ZNF45: variants seen among roughly 807,000 people sequenced by gnomAD.
The protein encoded by ZNF45 is BRC1744.
A neutral mutation model predicts 12.0 loss-of-function variants in ZNF45; 4 were observed. The ratio of observed to expected loss-of-function variants is 0.33; its 90% CI spans 0.16 to 0.76. ZNF45 has a LOEUF of 0.76. Among genes scored for constraint, ZNF45 ranks in the 30% least tolerant of loss-of-function variants. The pLI, the probability that ZNF45 is intolerant of heterozygous loss-of-function variation, is 0.60. For missense variants in ZNF45, 700 were observed against 813.0 expected (o/e 0.86, Z 1.69); for synonymous variants, 272 against 279.6 (o/e 0.97, Z 0.27).
Position 43,913,712 on chromosome 19 carries a change from C to A in ZNF45, c.1724G>T (p.Arg575Leu). 2 of 1,611,146 alleles carry A rather than the reference C, an allele frequency of 1.2e-6. No individual in the cohort carries two copies. Among genetic ancestry groups the A allele is most frequent in the Non-Finnish European group, 1.7e-6 (2 of 1,179,324 alleles). ...FCRASNFLAH[R>L]GVHTGEKPYR... ...TGGTTTTTCTCCTGTGTGGACTCCACGATGTGCCAGAAAATTGGAGGCCCG... is the reference window on the plus strand; with the variant it reads ...TGGTTTTTCTCCTGTGTGGACTCCAAGATGTGCCAGAAAATTGGAGGCCCG... The change falls in exon 10 of 10, where the codon CGT becomes CTT. Residue 575 changes from arginine (R) to leucine (L), a missense_variant. Physicochemically the swap from Arg to Leu is moderately radical, Grantham distance 102 (BLOSUM62 -2). Coordinates refer to ENST00000269973, the MANE Select transcript of ZNF45 (RefSeq NM_003425.4).
At position 43,935,233 on chromosome 19, in the gene ZNF45, C is replaced by T. The variant is rs1362087221; in HGVS notation, c.-1065G>A. ...CGGGGTCCCAGGACTCACTCACTTC[C>T]ACGAGAGGAATGAAGGCCGCGCTCT... On this transcript the variant is annotated 5_prime_UTR_variant, in exon 1 of 10. Transcript: ENST00000269973. 1 of 152,284 alleles carries T rather than the reference C, an allele frequency of 6.6e-6. No homozygotes were observed. Among genetic ancestry groups the T allele is most frequent in the Admixed American group, 6.5e-5 (1 of 15,290 alleles). 9.4% of individuals were successfully genotyped at this position (152,284 alleles called of 1,614,324 possible). A position where few individuals can be genotyped will look rare whatever the true frequency, so the allele number is the denominator to read the frequency against.
intron 3 of ZNF45, among the ~76,000 whole-genome samples, chr19:43,931,639 T>C (rs1027242571): frequency 2.0e-5 from 3 of 152,170 alleles, no homozygotes; most frequent in Non-Finnish European, 4.4e-5. Context: ...TAGTCTATAA[T>C]ACACAGAGGA....
rs1389634525 is a variant in ZNF45, at chr19:43,924,463, G to A, written c.-167C>T. The A allele has an allele frequency of 2.6e-5, 4 of 152,220 alleles. No individual in the cohort carries two copies. The highest frequency in any genetic ancestry group is 2.1e-4 in the South Asian group (1 of 4,832). The allele number at this position is 152,220 out of a possible 1,614,324, so 9.4% of individuals were successfully genotyped here. A position where few individuals can be genotyped will look rare whatever the true frequency, so the allele number is the denominator to read the frequency against. ...CGACAATTGTATCCATTTAACAGGC[G>A]AGGAAGCTGAGGCTTGGTGAGGTCA... On this transcript the variant is annotated 5_prime_UTR_variant, in exon 5 of 10. Transcript: ENST00000269973.
chr19:43,927,662 T>C (rs529284127), intron 3 of ZNF45, among the ~76,000 whole-genome samples: 19 of 152,286 alleles, frequency 1.2e-4, no homozygotes, highest in African/African-American at 4.6e-4. Context: ...CTCTTATATT[T>C]GAACAGAGAC....
In ZNF45 at chr19:43,913,898, G is replaced by C. The variant is rs773195519; in HGVS notation, c.1538C>G (p.Ser513Cys). Residue 513 changes from serine to cysteine, a missense_variant, in exon 10 of 10, where the codon TCC becomes TGC. Physicochemically the swap from Ser to Cys is moderately radical, Grantham distance 112. Coordinates refer to ENST00000269973, the MANE Select transcript of ZNF45 (RefSeq NM_003425.4). The stretch of plus-strand genomic sequence containing the variant: ...AACTCTCTGATGCACCTGAAGGCTG[G>C]AGAACTGACTGAAGGCCTTACCACA... Reference protein sequence around the residue: ...ERCGKAFSQFSSLQVHQRVHT... With the variant: ...ERCGKAFSQFCSLQVHQRVHT... 1 of 1,603,494 alleles carries C rather than the reference G, an allele frequency of 6.2e-7. No individual in the cohort carries two copies. Among genetic ancestry groups the C allele is most frequent in the East Asian group, 2.3e-5 (1 of 44,438 alleles).
rs776460289 is a variant in ZNF45, at chr19:43,915,151, C to T, written c.285G>A (p.Arg95=). ...AGAAAAGCTCTTCATGAGGCAGGTA[C>T]CTTAATCCTACTTCTTGAAGAGTCT... ...EMETLQEVGL[R]YLPHEELFCS... The change falls in exon 10 of 10, where the codon AGG becomes AGA. Residue 95 remains arginine, a synonymous_variant. Transcript: ENST00000269973. 14 of 1,552,360 alleles carry T rather than the reference C, an allele frequency of 9.0e-6. No individual in the cohort carries two copies. Among genetic ancestry groups the T allele is most frequent in the Non-Finnish European group, 1.1e-5 (13 of 1,151,174 alleles).
intron 3 of ZNF45, among the ~76,000 whole-genome samples, chr19:43,925,799 T>G (rs1973626110): frequency 6.6e-6 from 1 of 152,082 alleles, no homozygotes; most frequent in Admixed American, 6.5e-5. Flanking sequence ...TTTTTTTGTT[T>G]CTTTTGTTTT....
In ZNF45 at chr19:43,914,077, G is replaced by A; in HGVS notation, c.1359C>T (p.Phe453=). 6.2e-7 allele frequency: 1 copy of A among 1,614,108 alleles called. No homozygotes were observed. Among genetic ancestry groups the A allele is most frequent in the South Asian group, 1.1e-5 (1 of 91,084 alleles). ...GGGCCAGAAGATTTGAGGCCTGGCT[G>A]AAGCCCTTGCCACACTCCTCACATT... ...PYKCEECGKG[F]SQASNLLAHQ... The change falls in exon 10 of 10, where the codon TTC becomes TTT. Residue 453 remains phenylalanine, a synonymous_variant. Coordinates refer to ENST00000269973, the MANE Select transcript of ZNF45 (RefSeq NM_003425.4).
intron 3 of ZNF45, among the ~76,000 whole-genome samples, chr19:43,930,164 G>A (rs951259705): frequency 1.3e-5 from 2 of 152,142 alleles, no homozygotes; most frequent in Non-Finnish European, 2.9e-5. Flanking sequence ...GAGGAATGCT[G>A]TGTCTTCATA....
chr19:43,918,413 G>C (rs1264307991), intron 9 of ZNF45, among the ~76,000 whole-genome samples: 3 of 152,128 alleles, frequency 2.0e-5, no homozygotes, highest in African/African-American at 7.2e-5. Context: ...TAAGGCATTA[G>C]GAAGGTGATT....
chr19:43,916,323 C>G (rs1315538314), intron 9 of ZNF45, among the ~76,000 whole-genome samples: 1 of 151,966 alleles, frequency 6.6e-6, no homozygotes, highest in Non-Finnish European at 1.5e-5. Flanking sequence ...ACCATCTTGC[C>G]TAGGCTGGTC....
chr19:43,926,225 G>A (rs1198043465), intron 3 of ZNF45: 3 of 152,196 alleles, frequency 2.0e-5, no homozygotes, highest in Non-Finnish European at 4.4e-5. Context: ...GTCTCCCTGA[G>A]ACTGACTCCA....
chr19:43,929,136 G>A (rs556858537), intron 3 of ZNF45, among the ~76,000 whole-genome samples: 9 of 152,308 alleles, frequency 5.9e-5, no homozygotes, highest in Middle Eastern at 3.4e-3. Context: ...AATGAACCCA[G>A]GCAATCTGAC....
intron 7 of ZNF45, among the ~76,000 whole-genome samples, chr19:43,919,902 C>T (rs1040637978): frequency 1.3e-5 from 2 of 152,096 alleles, no homozygotes; most frequent in African/African-American, 4.8e-5. Flanking sequence ...TAAAGAACAA[C>T]TTTTTGCATA....
chr19:43,926,234 CA>C (rs1973665105), intron 3 of ZNF45: 1 of 152,144 alleles, frequency 6.6e-6, no homozygotes, highest in African/African-American at 2.4e-5. Flanking sequence ...AGACTGACTC[CA>C]GTTGGGAAGA....
In ZNF45 at chr19:43,914,025, G is replaced by A. The variant is rs1300834754; in HGVS notation, c.1411C>T (p.Pro471Ser). Reference protein sequence around the residue: ...AHQRGHTGEKPYKCGTCGKGF... With the variant: ...AHQRGHTGEKSYKCGTCGKGF... ...TTCCCACATGTACCACATTTGTAGG[G>A]TTTCTCTCCAGTGTGGCCTCTTTGA... The change falls in exon 10 of 10, where the codon CCC becomes TCC. Residue 471 changes from proline to serine, a missense_variant. Pro to Ser is a moderately conservative substitution (Grantham distance 74). Coordinates refer to ENST00000269973, the MANE Select transcript of ZNF45 (RefSeq NM_003425.4). The A allele has an allele frequency of 6.2e-7, 1 of 1,614,066 alleles. No homozygotes were observed. The highest frequency in any genetic ancestry group is 2.2e-5 in the East Asian group (1 of 44,864).
At chr19:43,919,210 C>T (rs928472904) in intron 8 of ZNF45, among the ~76,000 whole-genome samples, 5 of 152,102 alleles carry the variant, frequency 3.3e-5, no homozygotes, top group African/African-American at 1.2e-4. Flanking sequence ...TTCTTGGCAA[C>T]AGGACATAGT....
At position 43,919,570 on chromosome 19, in the gene ZNF45, C is replaced by T. The variant is rs755215598; in HGVS notation, c.142+3G>A. The T allele has an allele frequency of 1.9e-6, 3 of 1,611,308 alleles. No homozygotes were observed. The highest frequency in any genetic ancestry group is 1.3e-5 in the African/African-American group (1 of 74,940). ...TGTTCAGTCAGAGAATGCCTGTCCTCACCCACTGAGACCACATTCCTGAAG... is the reference window on the plus strand; with the variant it reads ...TGTTCAGTCAGAGAATGCCTGTCCTTACCCACTGAGACCACATTCCTGAAG... On this transcript the variant is annotated splice_donor_region_variant and intron_variant, in intron 8 of 9. Coordinates refer to ENST00000269973, the MANE Select transcript of ZNF45 (RefSeq NM_003425.4).
At chr19:43,920,966 A>G (rs1973123598) in intron 7 of ZNF45, among the ~76,000 whole-genome samples, 1 of 152,120 alleles carries the variant, frequency 6.6e-6, no homozygotes, top group African/African-American at 2.4e-5. Context: ...CTGCACATTC[A>G]GGTACCCTAA....
Sources: allele counts gnomAD v4.1 joint callset (sites outside exome capture counted in the v4.1 genomes callset), GRCh38; gene constraint gnomAD v4.1.1; transcripts MANE v1.5; gene names NCBI Gene and HGNC (gene_info 2026-07-23, HGNC 2026-07-21).